The following PDZRN4 variants were observed in gnomAD, a reference collection of about 807,000 sequenced individuals.
PDZRN4 encodes the protein PDZ domain containing ring finger 4, also known as PDZ domain-containing RING finger protein 4.
In PDZRN4, 70 loss-of-function variants were observed where a neutral mutation model predicts 99.0. The ratio of observed to expected loss-of-function variants is 0.71; its 90% CI spans 0.58 to 0.86. The LOEUF is 0.86. Ranked by LOEUF, PDZRN4 falls within the 40% of genes least tolerant of loss-of-function variation. The pLI is 0.00. For synonymous variants in PDZRN4, 551 were observed against 501.6 expected (o/e 1.10, Z -1.32); for missense variants, 1,474 against 1,331.2 (o/e 1.11, Z -1.67).
Position 41,401,199 on chromosome 12 carries a change from G to T in PDZRN4, c.844-105257G>T, listed in dbSNP as rs1331343856. Among the ~76,000 whole-genome samples the T allele has an allele frequency of 2.6e-5, 4 of 151,998 alleles. No homozygotes were observed. The East Asian group carries it at 5.8e-4, about 22-fold the overall frequency. ...TAAGTAAGTTAAAAATACCCACGAA[G>T]ATACAAATTGTCACCAACTTAACAT... is the stretch of plus-strand genomic sequence containing the variant. On this transcript the variant is annotated intron_variant, in intron 3 of 9. Coordinates refer to ENST00000402685, the MANE Select transcript of PDZRN4 (RefSeq NM_001164595.2).
intron 3 of PDZRN4, among the ~76,000 whole-genome samples, chr12:41,211,032 C>G (rs1419681166): frequency 6.6e-6 from 1 of 151,968 alleles, no homozygotes; most frequent in Non-Finnish European, 1.5e-5. Context: ...TATATCTACA[C>G]AATGCCAGAG....
At chr12:41,352,154 TG>T (rs939886744) in intron 3 of PDZRN4, among the ~76,000 whole-genome samples, 7 of 152,120 alleles carry the variant, frequency 4.6e-5, no homozygotes, top group Non-Finnish European at 8.8e-5. Context: ...GCACTGGATT[TG>T]GCAAATGAAA....
intron 3 of PDZRN4, among the ~76,000 whole-genome samples, chr12:41,453,794 G>C (rs970818805): frequency 6.6e-6 from 1 of 151,848 alleles, no homozygotes; most frequent in Non-Finnish European, 1.5e-5. Context: ...AAATTCTCCA[G>C]TACCAACAAG....
At chr12:41,332,850 A>G (rs1188691919) in intron 3 of PDZRN4, among the ~76,000 whole-genome samples, 1 of 151,992 alleles carries the variant, frequency 6.6e-6, no homozygotes, top group Admixed American at 6.6e-5. Context: ...GTGGAACTGC[A>G]ATGACAATAA....
intron 5 of PDZRN4, among the ~76,000 whole-genome samples, chr12:41,523,099 G>A (rs1938519305): frequency 6.6e-6 from 1 of 152,042 alleles, no homozygotes; most frequent in Non-Finnish European, 1.5e-5. Context: ...TGACCCCTCT[G>A]AGCCTCGGGT....
intron 3 of PDZRN4, among the ~76,000 whole-genome samples, chr12:41,272,257 A>G (rs780180706): frequency 6.6e-6 from 1 of 152,092 alleles, no homozygotes; most frequent in Non-Finnish European, 1.5e-5. Flanking sequence ...AGTGCCAATG[A>G]TATGTGGTGA....
intron 3 of PDZRN4, among the ~76,000 whole-genome samples, chr12:41,345,693 T>C (rs532216468): frequency 6.6e-6 from 1 of 152,294 alleles, no homozygotes; most frequent in African/African-American, 2.4e-5. Flanking sequence ...GACAGTGTTT[T>C]TATCCAGGAA....
rs556586504 is a variant in PDZRN4, at chr12:41,307,725, C to T, written c.843+113537C>T. 1.8e-4 allele frequency among the ~76,000 whole-genome samples: 27 copies of T among 151,930 alleles called. 1 individual carries two copies. The highest frequency in any genetic ancestry group is 6.0e-4 in the African/African-American group (25 of 41,430). On this transcript the variant is annotated intron_variant, in intron 3 of 9. Coordinates refer to ENST00000402685, the MANE Select transcript of PDZRN4 (RefSeq NM_001164595.2). ...AGAACAATCTTTTCACTCTTGATTA[C>T]ATGTGATATCCACTCTTGATTACAT...
intron 3 of PDZRN4, among the ~76,000 whole-genome samples, chr12:41,467,711 C>A (rs1952941898): frequency 6.6e-6 from 1 of 152,168 alleles, no homozygotes; most frequent in African/African-American, 2.4e-5. Context: ...CTCTAGCTTC[C>A]CTGCTAATTT....
At chr12:41,508,354 T>C (rs1362074284) in intron 4 of PDZRN4, among the ~76,000 whole-genome samples, 1 of 152,158 alleles carries the variant, frequency 6.6e-6, no homozygotes, top group African/African-American at 2.4e-5. Flanking sequence ...ACCCCTACCA[T>C]GTGCTCCCAA....
At position 41,212,303 on chromosome 12, in the gene PDZRN4, G is replaced by T. The variant is rs77496236; in HGVS notation, c.843+18115G>T. ...CATTTGTTTCTTAGTGTTTCTGCCT[G>T]TTCTGTTTGATTTGGTTTGTGAACC... On this transcript the variant is annotated intron_variant, in intron 3 of 9. Transcript: ENST00000402685. Among the ~76,000 whole-genome samples the T allele has an allele frequency of 6.8e-3, 1,029 of 152,062 alleles. 6 individuals carry two copies. Among genetic ancestry groups the T allele is most frequent in the African/African-American group, 0.024 (993 of 41,502 alleles).
At chr12:41,538,930 T>C (rs1388766442) in intron 5 of PDZRN4, among the ~76,000 whole-genome samples, 1 of 152,046 alleles carries the variant, frequency 6.6e-6, no homozygotes, top group Non-Finnish European at 1.5e-5. Flanking sequence ...CACAAAATTC[T>C]ATACCATCAT....
At chr12:41,262,596 C>T (rs1951248108) in intron 3 of PDZRN4, among the ~76,000 whole-genome samples, 1 of 152,104 alleles carries the variant, frequency 6.6e-6, no homozygotes, top group South Asian at 2.1e-4. Context: ...CCATTGAAGA[C>T]ATAGAATTTG....
intron 5 of PDZRN4, among the ~76,000 whole-genome samples, chr12:41,514,322 C>G (rs575402303): frequency 6.6e-6 from 1 of 152,072 alleles, no homozygotes; most frequent in South Asian, 2.1e-4. Context: ...TTTCCTGGAG[C>G]TAGATCCCTG....
intron 3 of PDZRN4, among the ~76,000 whole-genome samples, chr12:41,257,418 C>T (rs896991556): frequency 1.2e-4 from 18 of 152,154 alleles, no homozygotes; most frequent in Non-Finnish European, 2.2e-4. Context: ...TCTCATAGGC[C>T]CTGCCTTCTA....
At chr12:41,249,059 T>C (rs1050497242) in intron 3 of PDZRN4, among the ~76,000 whole-genome samples, 3 of 152,178 alleles carry the variant, frequency 2.0e-5, no homozygotes, top group Non-Finnish European at 2.9e-5. Context: ...GCTTCTTGGT[T>C]ATTACTAAAC....
rs564976541 is a variant in PDZRN4 at position 41,553,785 on chromosome 12, G to A, written c.1302+1031G>A. Among the ~76,000 whole-genome samples the A allele has an allele frequency of 5.7e-4, 86 of 152,142 alleles. 1 individual carries two copies. Among genetic ancestry groups the A allele is most frequent in the African/African-American group, 2.0e-3 (82 of 41,486 alleles). On this transcript the variant is annotated intron_variant, in intron 6 of 9. Coordinates refer to ENST00000402685, the MANE Select transcript of PDZRN4 (RefSeq NM_001164595.2). ...ATGTGAAAAACATATGTGTACATAT[G>A]TTTATATATAAATGCAGAAGTTAGA...
At position 41,236,694 on chromosome 12, in the gene PDZRN4, G is replaced by GT. The variant is rs367886643; in HGVS notation, c.843+42513dup. Among the ~76,000 whole-genome samples, 4 of 152,098 alleles carry GT rather than the reference G, an allele frequency of 2.6e-5. No individual in the cohort carries two copies. The South Asian group carries it at 8.3e-4, about 32-fold the overall frequency. ...CATAGCATATGACAGTCTGGGGATT[G>GT]TTTTTTTGTTTCTTTTTGCCAATAT... is the stretch of plus-strand genomic sequence containing the variant. On this transcript the variant is annotated intron_variant, in intron 3 of 9. Coordinates refer to ENST00000402685, the MANE Select transcript of PDZRN4 (RefSeq NM_001164595.2).
intron 3 of PDZRN4, among the ~76,000 whole-genome samples, chr12:41,238,674 GATACCATCTC>G (rs1209898554): frequency 6.6e-6 from 1 of 150,544 alleles, no homozygotes; most frequent in African/African-American, 2.4e-5. Context: ...ACCACAATGA[GATACCATCTC>G]ATACCAGTCA....
Sources: allele counts gnomAD v4.1 joint callset (sites outside exome capture counted in the v4.1 genomes callset), GRCh38; gene constraint gnomAD v4.1.1; transcripts MANE v1.5; gene names NCBI Gene and HGNC (gene_info 2026-07-23, HGNC 2026-07-21).